Variants in MACROD2 observed in about 807,000 individuals in gnomAD.
MACROD2 encodes ADP-ribose glycohydrolase MACROD2.
Under a neutral mutation model 70.4 loss-of-function variants are expected in MACROD2, and 36 were observed. The observed-to-expected ratio is 0.51, with a 90% CI of 0.39 to 0.68. The LOEUF (loss-of-function observed/expected upper bound fraction) is 0.68. Among genes scored for constraint, MACROD2 ranks in the 30% least tolerant of loss-of-function variants. MACROD2 has a pLI of 0.00. For missense variants in MACROD2, 496 were observed against 538.4 expected, an observed-to-expected ratio of 0.92 and a Z score of 0.78; for synonymous variants, 172 against 178.8, an observed-to-expected ratio of 0.96 and a Z score of 0.30.
chr20:16,052,289 C>T lies in MACROD2; in HGVS notation c.*2413C>T, dbSNP rs1349544009. On this transcript the variant is annotated 3_prime_UTR_variant, in exon 18 of 18. Transcript: ENST00000684519. ...AATCTAACTATAGCCAGATCAAAGA[C>T]ACCTGAACACAGAAAACCTTTATTT... is the stretch of plus-strand genomic sequence containing the variant. 1 of 152,164 alleles carries T rather than the reference C, an allele frequency of 6.6e-6. No homozygotes were observed. Among genetic ancestry groups the T allele is most frequent in the African/African-American group, 2.4e-5 (1 of 41,432 alleles). The allele number at this position is 152,164 out of a possible 1,614,324, so 9.4% of individuals were successfully genotyped here. A position where few individuals can be genotyped will look rare whatever the true frequency, so the allele number is the denominator to read the frequency against.
chr20:15,843,207 T>C (rs1313569235), intron 8 of MACROD2, among the ~76,000 whole-genome samples: 1 of 152,204 alleles, frequency 6.6e-6, no homozygotes, highest in Non-Finnish European at 1.5e-5. Flanking sequence ...TGTTATTATA[T>C]GCATTTATCA....
chr20:14,532,413 CG>C (rs2085318093), intron 4 of MACROD2, among the ~76,000 whole-genome samples: 1 of 150,296 alleles, frequency 6.7e-6, no homozygotes, highest in Non-Finnish European at 1.5e-5. Flanking sequence ...TTAGTAGAGA[CG>C]GGGTTTCACC....
chr20:15,925,858 T>C (rs891600232), intron 10 of MACROD2, among the ~76,000 whole-genome samples: 1 of 152,184 alleles, frequency 6.6e-6, no homozygotes, highest in African/African-American at 2.4e-5. Flanking sequence ...GAGATAGGGC[T>C]GACACGATTG....
chr20:15,418,229 C>T (rs74998682), intron 6 of MACROD2, among the ~76,000 whole-genome samples: 4,398 of 152,306 alleles, frequency 0.029, 217 homozygotes, highest in African/African-American at 0.099. Context: ...AAGGTGGTAT[C>T]TTTCTTCCTA....
At chr20:14,927,598 C>T (rs1395716079) in intron 5 of MACROD2, among the ~76,000 whole-genome samples, 2 of 152,138 alleles carry the variant, frequency 1.3e-5, no homozygotes, top group Non-Finnish European at 2.9e-5. Flanking sequence ...CTTGGTGGCT[C>T]CACATTCATT....
intron 7 of MACROD2, among the ~76,000 whole-genome samples, chr20:15,436,524 C>G (rs1411410095): frequency 6.6e-6 from 1 of 151,884 alleles, no homozygotes; most frequent in East Asian, 2.0e-4. Context: ...GGTGGGGACA[C>G]AGAGCCAAAC....
chr20:14,874,043 G>A (rs963054081), intron 5 of MACROD2, among the ~76,000 whole-genome samples: 2 of 152,038 alleles, frequency 1.3e-5, no homozygotes, highest in African/African-American at 4.8e-5. Flanking sequence ...AAGTAAAGAC[G>A]TGTTAGGCCA....
chr20:15,206,760 C>A (rs369728302), intron 5 of MACROD2, among the ~76,000 whole-genome samples: 1 of 30,246 alleles, frequency 3.3e-5, no homozygotes, highest in Non-Finnish European at 6.0e-5. Context: ...GACGGAGTCT[C>A]GCTCTGTCGC....
chr20:15,290,373 A>T (rs1383894579), intron 6 of MACROD2, among the ~76,000 whole-genome samples: 1 of 152,088 alleles, frequency 6.6e-6, no homozygotes, highest in Non-Finnish European at 1.5e-5. Context: ...CATTATGCAG[A>T]GTGTTGATTT....
At chr20:15,483,329 T>A (rs1053740775) in intron 7 of MACROD2, among the ~76,000 whole-genome samples, 1 of 152,222 alleles carries the variant, frequency 6.6e-6, no homozygotes, top group Non-Finnish European at 1.5e-5. Flanking sequence ...TTCATTGTAG[T>A]GTCTTTGCTT....
intron 1 of MACROD2, among the ~76,000 whole-genome samples, chr20:14,000,164 CT>C (rs1012010798): frequency 6.6e-6 from 1 of 152,186 alleles, no homozygotes; most frequent in African/African-American, 2.4e-5. Context: ...GTTCCCTCTT[CT>C]TTTTCCTTTA....
chr20:15,545,924 G>C (rs2048020192), intron 8 of MACROD2, among the ~76,000 whole-genome samples: 2 of 152,138 alleles, frequency 1.3e-5, no homozygotes, highest in Non-Finnish European at 2.9e-5. Flanking sequence ...TCTCCATCTA[G>C]TCTTTGACCA....
intron 3 of MACROD2, among the ~76,000 whole-genome samples, chr20:14,237,064 G>A (rs923433212): frequency 6.6e-6 from 1 of 151,820 alleles, no homozygotes; most frequent in Non-Finnish European, 1.5e-5. Context: ...CCTGCTGGAT[G>A]GTTAGTCTTC....
chr20:14,999,327 TAAC>T (rs2074974846), intron 5 of MACROD2, among the ~76,000 whole-genome samples: 2 of 152,122 alleles, frequency 1.3e-5, no homozygotes, highest in Admixed American at 6.5e-5. Flanking sequence ...TCAAAAGTAA[TAAC>T]AAGAACAACT....
intron 5 of MACROD2, among the ~76,000 whole-genome samples, chr20:14,718,717 T>G (rs1489433226): frequency 6.6e-6 from 1 of 152,108 alleles, no homozygotes; most frequent in East Asian, 1.9e-4. Context: ...TGAGAAATAA[T>G]TACTAGAAAC....
At chr20:14,150,617 A>G (rs2055006049) in intron 3 of MACROD2, among the ~76,000 whole-genome samples, 2 of 152,172 alleles carry the variant, frequency 1.3e-5, no homozygotes, top group African/African-American at 4.8e-5. Flanking sequence ...CAGATACAGA[A>G]TTTTATTTTT....
intron 3 of MACROD2, among the ~76,000 whole-genome samples, chr20:14,308,817 A>G (rs2082541931): frequency 6.6e-6 from 1 of 152,112 alleles, no homozygotes; most frequent in Non-Finnish European, 1.5e-5. Context: ...GGCCAAAGCT[A>G]AAGAGAGAAT....
chr20:16,047,347 A>G (rs1353136150), intron 17 of MACROD2, among the ~76,000 whole-genome samples: 1 of 152,212 alleles, frequency 6.6e-6, no homozygotes, highest in Non-Finnish European at 1.5e-5. Context: ...GTAAAAAATC[A>G]GGGATAGCAT....
chr20:15,827,145 G>A (rs1390314227), intron 8 of MACROD2, among the ~76,000 whole-genome samples: 1 of 152,082 alleles, frequency 6.6e-6, no homozygotes. Context: ...GCAGTCATTG[G>A]TCTATAACAA....
Sources: gnomAD v4.1 joint callset for allele counts (sites outside exome capture counted in the v4.1 genomes callset) on GRCh38, gnomAD v4.1.1 for gene constraint, MANE v1.5 for transcripts, NCBI Gene and HGNC (gene_info 2026-07-23, HGNC 2026-07-21) for gene names.